Variants in PPP2R3C observed in about 807,000 individuals in gnomAD.
The protein encoded by PPP2R3C is protein phosphatase 2 regulatory subunit B''gamma, also known as serine/threonine-protein phosphatase 2A regulatory subunit B'' subunit gamma.
A neutral mutation model predicts 63.7 loss-of-function variants in PPP2R3C; 47 were observed. The observed-to-expected ratio is 0.74, with a 90% confidence interval of 0.58 to 0.94. The LOEUF (loss-of-function observed/expected upper bound fraction) is 0.94, where lower values mean the gene tolerates loss of function less well. Among genes scored for constraint, PPP2R3C ranks in the 40% least tolerant of loss-of-function variants. The pLI, the probability that PPP2R3C is intolerant of heterozygous loss-of-function variation, is 0.00. For synonymous variants in PPP2R3C, 180 were observed against 177.4 expected (o/e 1.01, Z -0.12); for missense variants, 421 against 518.4 (o/e 0.81, Z 1.82).
At chr14:35,096,459 G>C in intron 9 of PPP2R3C, 99 bp downstream of exon 9, 1 of 1,028,842 alleles carries the variant, frequency 9.7e-7, no homozygotes, top group East Asian at 2.4e-5. Context: ...TAAATATTTT[G>C]ATCTTAAGGT....
chr14:35,093,707 C>T (rs1008219591), intron 10 of PPP2R3C, among the ~76,000 whole-genome samples: 6 of 151,674 alleles, frequency 4.0e-5, no homozygotes, highest in African/African-American at 7.3e-5. Flanking sequence ...AGTGCAGTGG[C>T]GCCATCTCGG....
In PPP2R3C at chr14:35,085,744, G is replaced by T; in HGVS notation, c.1208C>A (p.Pro403His). The T allele has an allele frequency of 6.2e-7, 1 of 1,609,154 alleles. No individual in the cohort carries two copies. The highest frequency in any genetic ancestry group is 8.5e-7 in the Non-Finnish European group (1 of 1,177,742). ...EIFDMVKPKD[P>H]LKISLQDLIN... ...TAAATCCTGAAGAGAGATTTTCAAAGGATCCTTTGGTTTTACCATGTCAAA... is the reference window on the plus strand; with the variant it reads ...TAAATCCTGAAGAGAGATTTTCAAATGATCCTTTGGTTTTACCATGTCAAA... The change falls in exon 13 of 13, where the codon CCT becomes CAT. Residue 403 changes from proline (P) to histidine (H), a missense_variant. This residue lies in a region of PPP2R3C where 231 missense variants were observed against 264.8 expected (regional missense o/e 0.87). Transcript: ENST00000261475.
intron 6 of PPP2R3C, chr14:35,102,813 T>G (rs1407046794): frequency 1.3e-5 from 2 of 152,288 alleles, no homozygotes; most frequent in African/African-American, 4.8e-5. Context: ...CAAGCTGGAG[T>G]GCAGTGGCTC....
At chr14:35,087,887 T>G in intron 12 of PPP2R3C, 64 bp downstream of exon 12, 1 of 1,284,392 alleles carries the variant, frequency 7.8e-7, no homozygotes, top group Non-Finnish European at 1.1e-6. Context: ...ATATAAAATT[T>G]CATGTAATAC....
At chr14:35,108,878 GGAA>G (rs1180374516) in intron 4 of PPP2R3C, among the ~76,000 whole-genome samples, 2 of 151,672 alleles carry the variant, frequency 1.3e-5, no homozygotes, top group Non-Finnish European at 2.9e-5. Flanking sequence ...CCAAAGCACT[GGAA>G]TTACAAACGT....
At chr14:35,100,546 C>CTTG (rs2138652369) in intron 6 of PPP2R3C, 1 of 152,300 alleles carries the variant, frequency 6.6e-6, no homozygotes, top group Admixed American at 6.5e-5. Context: ...GAAACAGCAA[C>CTTG]ATTTGTCAGA....
chr14:35,107,529 G>A, intron 5 of PPP2R3C, 155 bp from the exon 6 acceptor site: 3 of 606,404 alleles, frequency 4.9e-6, no homozygotes, highest in Non-Finnish European at 8.9e-6. Flanking sequence ...ACCATAGAAT[G>A]GAAGAGTTCA....
In PPP2R3C at chr14:35,087,987, G is replaced by C; in HGVS notation, c.1137C>G (p.Ile379Met). The part of the protein sequence containing the change: ...FFRAIQELMK[I>M]HGQDPVSFQD... ...GAAATGAAACAGGATCTTGTCCATGGATTTTCATTAGTTCCTGTATGGCCT... is the reference window on the plus strand; with the variant it reads ...GAAATGAAACAGGATCTTGTCCATGCATTTTCATTAGTTCCTGTATGGCCT... Residue 379 changes from isoleucine (I) to methionine (M), a missense_variant, in exon 12 of 13, where the codon ATC (isoleucine) becomes ATG (methionine). Physicochemically the swap from Ile to Met is conservative, Grantham distance 10. Transcript: ENST00000261475. 6.2e-7 allele frequency: 1 copy of C among 1,600,202 alleles called. No individual in the cohort carries two copies. Among genetic ancestry groups the C allele is most frequent in the Non-Finnish European group, 8.6e-7 (1 of 1,167,548 alleles).
chr14:35,095,754 G>A (rs560495941), intron 9 of PPP2R3C, among the ~76,000 whole-genome samples: 4 of 149,414 alleles, frequency 2.7e-5, no homozygotes, highest in African/African-American at 9.9e-5. Flanking sequence ...GGAGGCTGAG[G>A]CAAGGAGAAT....
At chr14:35,114,062 G>C (rs2046638827) in intron 2 of PPP2R3C, among the ~76,000 whole-genome samples, 2 of 152,136 alleles carry the variant, frequency 1.3e-5, no homozygotes, top group Admixed American at 1.3e-4. Flanking sequence ...CTCAATAAAT[G>C]TCAATTCCCT....
chr14:35,113,694 AC>A (rs1351050595), intron 2 of PPP2R3C, among the ~76,000 whole-genome samples: 2 of 152,184 alleles, frequency 1.3e-5, no homozygotes, highest in Non-Finnish European at 2.9e-5. Context: ...CTAGGAGATA[AC>A]CAAAGTTGTG....
chr14:35,098,179 ATTTT>A lies in PPP2R3C; in HGVS notation c.706+1069_706+1072del, dbSNP rs552604039. Among the ~76,000 whole-genome samples, 8 of 133,422 alleles carry A rather than the reference ATTTT, an allele frequency of 6.0e-5. No homozygotes were observed. The South Asian group carries it at 1.2e-3, about 20-fold the overall frequency. The allele number at this position is 133,422 out of a possible 152,430, so 87.5% of individuals were successfully genotyped here. The stretch of plus-strand genomic sequence containing the variant: ...ATGCTGTGATTGGATTCATAACTGG[ATTTT>A]TTTTTTTTTTTTTTGGACACAAGGT... On this transcript the variant is annotated intron_variant, in intron 7 of 12. Transcript: ENST00000261475.
At chr14:35,089,939 A>G (rs1161842148) in intron 11 of PPP2R3C, among the ~76,000 whole-genome samples, 1 of 152,142 alleles carries the variant, frequency 6.6e-6, no homozygotes, top group Non-Finnish European at 1.5e-5. Context: ...TGCTGGGATT[A>G]CAGGCATGAG....
intron 3 of PPP2R3C, chr14:35,110,306 C>G (rs2138694263): frequency 2.1e-6 from 1 of 483,374 alleles, no homozygotes; most frequent in Non-Finnish European, 3.7e-6. Flanking sequence ...ACATTAGAAT[C>G]ACCTAGGGCC....
At chr14:35,116,579 T>G in intron 2 of PPP2R3C, 31 bp downstream of exon 2, 2 of 1,489,402 alleles carry the variant, frequency 1.3e-6, no homozygotes, top group Non-Finnish European at 1.8e-6. Flanking sequence ...ATTTTTAAAC[T>G]CTGCAGGACA....
chr14:35,091,257 T>A (rs781756227), intron 10 of PPP2R3C, 50 bp from the exon 11 acceptor site: 1 of 1,478,558 alleles, frequency 6.8e-7, no homozygotes, highest in Non-Finnish European at 9.1e-7. Context: ...GAAATTAACT[T>A]TCAAGTGAAT....
At chr14:35,086,498 CTTT>C (rs1159003633) in intron 12 of PPP2R3C, 8 of 125,304 alleles carry the variant, frequency 6.4e-5, no homozygotes, top group East Asian at 2.3e-4. Context: ...TGCGCCCAGC[CTTT>C]TTTTTTTTTT....
At chr14:35,119,080 C>T (rs958238726) in intron 1 of PPP2R3C, among the ~76,000 whole-genome samples, 2 of 151,400 alleles carry the variant, frequency 1.3e-5, no homozygotes, top group Admixed American at 6.6e-5. Context: ...TTCTATCGCC[C>T]AGGCTGGAGA....
intron 2 of PPP2R3C, among the ~76,000 whole-genome samples, chr14:35,116,028 GAATA>G (rs2046700765): frequency 6.6e-6 from 1 of 151,910 alleles, no homozygotes; most frequent in Non-Finnish European, 1.5e-5. Context: ...TAATCCAATA[GAATA>G]CTTACTACTA....
Sources: gnomAD v4.1 joint callset for allele counts (sites outside exome capture counted in the v4.1 genomes callset) on GRCh38, gnomAD v4.1.1 for gene constraint, gnomAD v4.1.1 regional missense constraint, MANE v1.5 for transcripts, NCBI Gene and HGNC (gene_info 2026-07-23, HGNC 2026-07-21) for gene names.